COQ2: variants seen among roughly 807,000 people sequenced by gnomAD.
COQ2 encodes the protein 4-hydroxybenzoate polyprenyltransferase, mitochondrial.
COQ2 carries 25 observed loss-of-function variants against 35.7 expected under a neutral mutation model. The ratio of observed to expected loss-of-function variants is 0.70; its 90% CI spans 0.51 to 0.98. COQ2 has a LOEUF of 0.98. COQ2 is among the 50% of genes least tolerant of loss of function. The pLI is 0.00. For missense variants in COQ2, 488 were observed against 473.5 expected (o/e 1.03, Z -0.28); for synonymous variants, 206 against 186.2 (o/e 1.11, Z -0.86).
At chr4:83,271,606 G>A (rs975446992) in intron 4 of COQ2, among the ~76,000 whole-genome samples, 4 of 152,116 alleles carry the variant, frequency 2.6e-5, no homozygotes, top group Non-Finnish European at 5.9e-5. Flanking sequence ...TGAGCTCAGG[G>A]GTTTGAGACC....
Position 83,284,298 on chromosome 4 carries a change from A to C in COQ2, c.253+214T>G, listed in dbSNP as rs928037250. Reference sequence around the variant, plus strand: ...CCTGAGGTGACTCGCCCCAGGGCGCACGGCAGCCGGCAGCCAAGCTCAAGC... The same window carrying C: ...CCTGAGGTGACTCGCCCCAGGGCGCCCGGCAGCCGGCAGCCAAGCTCAAGC... On this transcript the variant is annotated intron_variant, in intron 1 of 6. Coordinates refer to ENST00000647002, the MANE Select transcript of COQ2 (RefSeq NM_001358921.2). The C allele has an allele frequency of 4.1e-6, 4 of 985,106 alleles. No homozygotes were observed. In the Admixed American group the frequency reaches 1.8e-4, roughly 45 times the overall value. The allele number at this position is 985,106 out of a possible 1,614,324, so 61.0% of individuals were successfully genotyped here. A position where few individuals can be genotyped will look rare whatever the true frequency, so the allele number is the denominator to read the frequency against.
At position 83,282,694 on chromosome 4, in the gene COQ2, C is replaced by T. The variant is rs574292311; in HGVS notation, c.253+1818G>A. The T allele has an allele frequency of 9.9e-5, 18 of 181,774 alleles. 1 individual carries two copies. In the South Asian group the frequency reaches 3.1e-3, roughly 32 times the overall value. 11.3% of individuals were successfully genotyped at this position (181,774 alleles called of 1,614,324 possible). A position where few individuals can be genotyped will look rare whatever the true frequency, so the allele number is the denominator to read the frequency against. On this transcript the variant is annotated intron_variant, in intron 1 of 6. Transcript: ENST00000647002. Reference sequence around the variant, plus strand: ...CACTTAACATATATTAATGAATTTTCGTGACCTCATAACGTCCATATTATC... The same window carrying T: ...CACTTAACATATATTAATGAATTTTTGTGACCTCATAACGTCCATATTATC...
intron 6 of COQ2, among the ~76,000 whole-genome samples, chr4:83,266,231 A>G (rs1187810622): frequency 6.6e-6 from 1 of 152,172 alleles, no homozygotes; most frequent in African/African-American, 2.4e-5. Flanking sequence ...CATATGGTTT[A>G]CTTTACAGAC....
At chr4:83,284,913 A>C, upstream of COQ2, 1 of 1,510,884 alleles carries the variant, frequency 6.6e-7, no homozygotes, top group Non-Finnish European at 8.8e-7. Flanking sequence ...AATTGGGGTC[A>C]TCGTGGTCGC....
Position 83,264,150 on chromosome 4 carries a change from T to C in COQ2, c.*49A>G, listed in dbSNP as rs753802403. ...TATCAGATTTTGTATTCAAATCTAA[T>C]TATATTTTGTAAAAAATGTTTTAAA... On this transcript the variant is annotated 3_prime_UTR_variant, in exon 7 of 7. Coordinates refer to ENST00000647002, the MANE Select transcript of COQ2 (RefSeq NM_001358921.2). The C allele has an allele frequency of 6.4e-6, 6 of 943,510 alleles. No homozygotes were observed. The highest frequency in any genetic ancestry group is 5.2e-5 in the African/African-American group (3 of 57,990). 58.4% of individuals were successfully genotyped at this position (943,510 alleles called of 1,614,324 possible).
chr4:83,273,195 C>T (rs1356868713), intron 3 of COQ2, among the ~76,000 whole-genome samples: 1 of 152,144 alleles, frequency 6.6e-6, no homozygotes, highest in Non-Finnish European at 1.5e-5. Context: ...TGGGTGTATA[C>T]ACACACATCC....
At chr4:83,283,635 A>C in intron 1 of COQ2, 1 of 985,436 alleles carries the variant, frequency 1.0e-6, no homozygotes, top group Non-Finnish European at 1.2e-6. Flanking sequence ...AGCTCACCAA[A>C]TAGTCTTTTT....
chr4:83,272,220 G>C (rs1735066695), intron 3 of COQ2, 48 bp from the exon 4 acceptor site: 2 of 1,094,592 alleles, frequency 1.8e-6, no homozygotes, highest in Non-Finnish European at 2.7e-6. Flanking sequence ...CTACCTCTTA[G>C]AAACCACGAA....
chr4:83,284,807 C>T (rs777409634), upstream of COQ2: 7 of 1,569,618 alleles, frequency 4.5e-6, no homozygotes, highest in East Asian at 1.2e-4. Context: ...ACGTCATTCC[C>T]CGGCAGGCAT....
At chr4:83,280,019 C>A (rs1235510604) in intron 1 of COQ2, among the ~76,000 whole-genome samples, 1 of 152,024 alleles carries the variant, frequency 6.6e-6, no homozygotes, top group Non-Finnish European at 1.5e-5. Flanking sequence ...AGCCACCATG[C>A]CCAGGGAATT....
intron 5 of COQ2, 80 bp from the exon 6 acceptor site, chr4:83,267,854 T>A: frequency 1.7e-6 from 2 of 1,176,616 alleles, no homozygotes; most frequent in Non-Finnish European, 2.3e-6. Context: ...AGTATCAGAT[T>A]TAGTGTTTTT....
chr4:83,284,634 T>A lies in COQ2; in HGVS notation c.131A>T (p.Gln44Leu). The A allele has an allele frequency of 6.6e-7, 1 of 1,506,900 alleles. No individual in the cohort carries two copies. Among genetic ancestry groups the A allele is most frequent in the Non-Finnish European group, 8.8e-7 (1 of 1,130,018 alleles). The allele number at this position is 1,506,900 out of a possible 1,614,324, so 93.3% of individuals were successfully genotyped here. A position where few individuals can be genotyped will look rare whatever the true frequency, so the allele number is the denominator to read the frequency against. ...GCGCGGCTCGGGACAGGCGGGGGGC[T>A]GCAAGTCACCACCGTGGGGCGCGCC... is the stretch of plus-strand genomic sequence containing the variant. ...AAGAPHGGDL[Q>L]PPACPEPRGR... Residue 44 changes from glutamine to leucine, a missense_variant, in exon 1 of 7, where the codon CAG becomes CTG. Gln to Leu is a moderately radical substitution (Grantham distance 113). Transcript: ENST00000647002.
In COQ2 at chr4:83,267,849, C is replaced by G. The variant is rs539302382; in HGVS notation, c.763-75G>C. ...CCATAAAATTCACATTTTGAAGTAT[C>G]AGATTTAGTGTTTTTTTGTATATTC... On this transcript the variant is annotated intron_variant, in intron 5 of 6. Coordinates refer to ENST00000647002, the MANE Select transcript of COQ2 (RefSeq NM_001358921.2). 4.7e-3 allele frequency: 5,838 copies of G among 1,242,352 alleles called. 240 individuals carry two copies. In the African/African-American group the frequency reaches 0.11, roughly 24 times the overall value. The allele number at this position is 1,242,352 out of a possible 1,614,324, so 77.0% of individuals were successfully genotyped here. A position where few individuals can be genotyped will look rare whatever the true frequency, so the allele number is the denominator to read the frequency against.
intron 1 of COQ2, chr4:83,284,213 T>TCAGGATG: frequency 2.0e-6 from 2 of 985,470 alleles, no homozygotes; most frequent in Non-Finnish European, 2.4e-6. Context: ...CTTCAGGTGC[T>TCAGGATG]CAGGATGCAG....
chr4:83,270,590 C>T (rs1735026476), intron 4 of COQ2, among the ~76,000 whole-genome samples: 1 of 152,134 alleles, frequency 6.6e-6, no homozygotes, highest in Non-Finnish European at 1.5e-5. Context: ...TGCTCATGTA[C>T]CTTAAACTCA....
intron 3 of COQ2, 111 bp downstream of exon 3, chr4:83,273,385 C>A: frequency 8.9e-7 from 1 of 1,125,780 alleles, no homozygotes; most frequent in Non-Finnish European, 1.3e-6. Flanking sequence ...CTTACAGATG[C>A]TTAATAAGTA....
At chr4:83,283,703 G>A (rs1735382215) in intron 1 of COQ2, 2 of 985,208 alleles carry the variant, frequency 2.0e-6, no homozygotes, top group Non-Finnish European at 2.4e-6. Context: ...CTATCTCTAT[G>A]GCCGGACAAC....
At chr4:83,268,130 T>C (rs1331913768) in intron 5 of COQ2, among the ~76,000 whole-genome samples, 1 of 152,228 alleles carries the variant, frequency 6.6e-6, no homozygotes, top group Admixed American at 6.5e-5. Context: ...AAAATTCAGC[T>C]CTAATTCTTC....
chr4:83,264,071 A>G lies in COQ2; in HGVS notation c.*128T>C. On this transcript the variant is annotated 3_prime_UTR_variant, in exon 7 of 7. Transcript: ENST00000647002. ...TTTTGCTAGCAAATAAGTAAAATCC[A>G]GGTAAATATGCTCTAAATCTTCATC... 1.6e-6 allele frequency: 1 copy of G among 640,610 alleles called. No homozygotes were observed. Among genetic ancestry groups the G allele is most frequent in the Non-Finnish European group, 2.5e-6 (1 of 405,870 alleles). 39.7% of individuals were successfully genotyped at this position (640,610 alleles called of 1,614,324 possible).
Sources: gnomAD v4.1 joint callset for allele counts (sites outside exome capture counted in the v4.1 genomes callset) on GRCh38, gnomAD v4.1.1 for gene constraint, MANE v1.5 for transcripts, NCBI Gene and HGNC (gene_info 2026-07-23, HGNC 2026-07-21) for gene names.